The following FGGY variants were observed in gnomAD, a reference collection of about 807,000 sequenced individuals.
FGGY encodes the protein FGGY carbohydrate kinase domain-containing protein.
FGGY carries 72 observed loss-of-function variants against 71.3 expected under a neutral mutation model. The ratio of observed to expected loss-of-function variants is 1.01; its 90% CI spans 0.84 to 1.23. The LOEUF is 1.23. Ranked by LOEUF, FGGY falls within the 50% of genes most tolerant of loss-of-function variation. The pLI is 0.00. For missense variants in FGGY, 668 were observed against 682.3 expected (o/e 0.98, Z 0.23); for synonymous variants, 251 against 250.3 (o/e 1.00, Z -0.02).
chr1:59,329,359 TAATGAAG>T (rs2048019119), intron 2 of FGGY, among the ~76,000 whole-genome samples: 2 of 152,380 alleles, frequency 1.3e-5, no homozygotes, highest in African/African-American at 4.8e-5. Context: ...CTAAAAATGC[TAATGAAG>T]TGAGCACATG....
chr1:59,518,029 A>G (rs2094713546), intron 7 of FGGY, among the ~76,000 whole-genome samples: 1 of 152,216 alleles, frequency 6.6e-6, no homozygotes, highest in Non-Finnish European at 1.5e-5. Flanking sequence ...GGTTTAGCAC[A>G]ACTATTTGAT....
chr1:59,748,051 G>A (rs1021722842), intron 14 of FGGY, among the ~76,000 whole-genome samples: 19 of 152,140 alleles, frequency 1.2e-4, no homozygotes, highest in Non-Finnish European at 5.9e-5. Flanking sequence ...GACTGTTAGT[G>A]AGGATCAAGG....
chr1:59,439,744 A>T (rs2153475180), intron 5 of FGGY, among the ~76,000 whole-genome samples: 1 of 152,194 alleles, frequency 6.6e-6, no homozygotes. Flanking sequence ...CCATTATTCC[A>T]TATCCTTCTC....
chr1:59,330,146 A>C (rs894976263), intron 2 of FGGY, among the ~76,000 whole-genome samples: 3 of 152,388 alleles, frequency 2.0e-5, no homozygotes, highest in African/African-American at 7.2e-5. Context: ...AATCAAGAAT[A>C]AAATACCATA....
intron 14 of FGGY, among the ~76,000 whole-genome samples, chr1:59,697,475 G>A (rs766207831): frequency 6.6e-6 from 1 of 152,048 alleles, no homozygotes; most frequent in African/African-American, 2.4e-5. Context: ...CTGGCTAATT[G>A]CATTTAGCAT....
Position 59,465,565 on chromosome 1 carries a change from T to C in FGGY, c.670+8489T>C, listed in dbSNP as rs183421222. On this transcript the variant is annotated intron_variant, in intron 6 of 15. Coordinates refer to ENST00000303721, the MANE Select transcript of FGGY (RefSeq NM_018291.5). ...TCAATTAGGAAAAGAGGAAGTCAAA[T>C]TGTCCCTGTTTGCAGATGACATGAT... Among the ~76,000 whole-genome samples, 69 of 152,312 alleles carry C rather than the reference T, an allele frequency of 4.5e-4. No homozygotes were observed. In the East Asian group the frequency reaches 6.0e-3, roughly 13 times the overall value.
intron 5 of FGGY, among the ~76,000 whole-genome samples, chr1:59,425,635 T>C (rs1224047090): frequency 1.3e-5 from 2 of 152,236 alleles, no homozygotes; most frequent in Non-Finnish European, 2.9e-5. Context: ...AAAGCTCTCA[T>C]TCATGGTCAT....
At chr1:59,739,336 A>C (rs2098129299) in intron 14 of FGGY, among the ~76,000 whole-genome samples, 1 of 152,194 alleles carries the variant, frequency 6.6e-6, no homozygotes, top group African/African-American at 2.4e-5. Flanking sequence ...TTCTGCAAAT[A>C]AACTAGCAAA....
At chr1:59,626,110 C>T (rs1253152227) in intron 10 of FGGY, 61 bp downstream of exon 10, 12 of 1,424,330 alleles carry the variant, frequency 8.4e-6, no homozygotes, top group South Asian at 2.4e-5. Flanking sequence ...AGAGAATTCA[C>T]GTTGGGCAGT....
chr1:59,458,661 A>T (rs768560369), intron 6 of FGGY, among the ~76,000 whole-genome samples: 1 of 152,208 alleles, frequency 6.6e-6, no homozygotes, highest in Non-Finnish European at 1.5e-5. Flanking sequence ...TAACTTTATT[A>T]GATTTTTTCC....
intron 4 of FGGY, among the ~76,000 whole-genome samples, chr1:59,362,461 A>G (rs1013684477): frequency 1.3e-5 from 2 of 152,218 alleles, no homozygotes; most frequent in Non-Finnish European, 2.9e-5. Flanking sequence ...TGACTCAAGT[A>G]TCTAATACAA....
intron 8 of FGGY, among the ~76,000 whole-genome samples, chr1:59,590,875 G>T (rs938049935): frequency 3.4e-4 from 51 of 152,076 alleles, no homozygotes; most frequent in Non-Finnish European, 4.9e-4. Context: ...TTGAAAACTG[G>T]CACAAGACAG....
upstream of FGGY, among the ~76,000 whole-genome samples, chr1:59,296,428 C>A (rs1321235445): frequency 6.6e-6 from 1 of 152,270 alleles, no homozygotes; most frequent in Non-Finnish European, 1.5e-5. Flanking sequence ...CCATCAGGGG[C>A]TGCGGAGAGT....
At chr1:59,466,726 A>G (rs1420997469) in intron 6 of FGGY, among the ~76,000 whole-genome samples, 2 of 152,246 alleles carry the variant, frequency 1.3e-5, no homozygotes, top group African/African-American at 4.8e-5. Flanking sequence ...AAAAGAAGAC[A>G]TTTATGCAGC....
intron 8 of FGGY, among the ~76,000 whole-genome samples, chr1:59,606,167 T>TA (rs944071949): frequency 2.0e-5 from 3 of 152,160 alleles, no homozygotes; most frequent in African/African-American, 7.2e-5. Flanking sequence ...TAAAAAATTT[T>TA]AAAAAAATGG....
At chr1:59,436,496 G>A (rs2068510852) in intron 5 of FGGY, among the ~76,000 whole-genome samples, 1 of 152,180 alleles carries the variant, frequency 6.6e-6, no homozygotes, top group Non-Finnish European at 1.5e-5. Flanking sequence ...ACAACAGCAT[G>A]TTCATCTCAT....
intron 14 of FGGY, among the ~76,000 whole-genome samples, chr1:59,728,612 C>G (rs1573759898): frequency 6.6e-6 from 1 of 151,284 alleles, no homozygotes; most frequent in South Asian, 2.1e-4. Flanking sequence ...TTGAGAATAT[C>G]TTTCTTTCTC....
intron 4 of FGGY, among the ~76,000 whole-genome samples, chr1:59,374,914 G>A (rs1178181269): frequency 1.1e-4 from 14 of 122,410 alleles, no homozygotes; most frequent in Admixed American, 8.2e-4. Flanking sequence ...GTTGTGGGGT[G>A]GGGGGAGGGG....
chr1:59,424,918 C>T (rs1281857076), intron 5 of FGGY, among the ~76,000 whole-genome samples: 4 of 152,194 alleles, frequency 2.6e-5, no homozygotes, highest in Non-Finnish European at 4.4e-5. Flanking sequence ...GAGCTTTACT[C>T]TTCAGAGAGT....
Sources: gnomAD v4.1 joint callset for allele counts (sites outside exome capture counted in the v4.1 genomes callset) on GRCh38, gnomAD v4.1.1 for gene constraint, MANE v1.5 for transcripts, NCBI Gene and HGNC (gene_info 2026-07-23, HGNC 2026-07-21) for gene names.